The following SPSB4 variants were observed in gnomAD, a reference collection of about 807,000 sequenced individuals.
SPSB4 encodes SPRY domain-containing SOCS box protein 4.
In SPSB4, 21 loss-of-function variants were observed where a neutral mutation model predicts 20.9. The ratio of observed to expected loss-of-function variants is 1.01; its 90% CI spans 0.71 to 1.45. SPSB4 has a LOEUF of 1.45. Ranked by LOEUF, SPSB4 falls within the 40% of genes most tolerant of loss-of-function variation. The pLI is 0.00. For missense variants in SPSB4, 399 were observed against 399.2 expected, an observed-to-expected ratio of 1.00 and a Z score of 0.00; for synonymous variants, 207 against 183.8, an observed-to-expected ratio of 1.13 and a Z score of -1.02.
intron 1 of SPSB4, among the ~76,000 whole-genome samples, chr3:141,052,979 C>G (rs1216365945): frequency 2.0e-5 from 3 of 152,204 alleles, no homozygotes; most frequent in Non-Finnish European, 4.4e-5. Flanking sequence ...GAGGAGGGCA[C>G]TTTTCTGTAC....
intron 2 of SPSB4, among the ~76,000 whole-genome samples, chr3:141,112,488 A>G (rs1241172677): frequency 1.3e-5 from 2 of 150,836 alleles, no homozygotes; most frequent in Non-Finnish European, 3.0e-5. Flanking sequence ...TACTAAAAAT[A>G]CAAAAAATTA....
intron 2 of SPSB4, among the ~76,000 whole-genome samples, chr3:141,092,686 G>A (rs1938478425): frequency 6.6e-6 from 1 of 152,230 alleles, no homozygotes; most frequent in South Asian, 2.1e-4. Flanking sequence ...CTCTTGCTGT[G>A]GGGTTTACTG....
Position 141,066,718 on chromosome 3 carries a change from A to C in SPSB4, c.614A>C (p.Lys205Thr), listed in dbSNP as rs1261017812. Residue 205 changes from lysine to threonine, a missense_variant, in exon 2 of 3, where the codon AAG (lysine) becomes ACG (threonine). Transcript: ENST00000310546. ...CTGGGCGTGGCCTTCCGAGGTCTCA[A>C]GGGCAAGAAGCTGTACCCGGTGGTG... Reference protein sequence around the residue: ...QYLGVAFRGLKGKKLYPVVSA... With the variant: ...QYLGVAFRGLTGKKLYPVVSA... 1.2e-6 allele frequency: 2 copies of C among 1,611,046 alleles called. No homozygotes were observed. Among genetic ancestry groups the C allele is most frequent in the African/African-American group, 2.7e-5 (2 of 74,854 alleles).
At chr3:141,099,560 T>C (rs1394735577) in intron 2 of SPSB4, among the ~76,000 whole-genome samples, 1 of 152,240 alleles carries the variant, frequency 6.6e-6, no homozygotes, top group Non-Finnish European at 1.5e-5. Context: ...GGAATAAAAC[T>C]GTTTTTGACA....
intron 1 of SPSB4, among the ~76,000 whole-genome samples, chr3:141,053,513 A>C (rs1688551618): frequency 6.6e-6 from 1 of 152,196 alleles, no homozygotes; most frequent in African/African-American, 2.4e-5. Context: ...AAATCACCAG[A>C]AACAGTCAAA....
rs996834406 is a variant in SPSB4, at chr3:141,126,269, C to T, written c.695-20873C>T. Among the ~76,000 whole-genome samples, 10 of 152,324 alleles carry T rather than the reference C, an allele frequency of 6.6e-5. 1 individual carries two copies. The highest frequency in any genetic ancestry group is 2.4e-4 in the African/African-American group (10 of 41,572). ...CTCCTGAACCCAGTCACCTCTGCCT[C>T]CACCTCCCTGCCTTCCTTGGCCTGA... On this transcript the variant is annotated intron_variant, in intron 2 of 2. Transcript: ENST00000310546.
chr3:141,066,114 A>C lies in SPSB4; in HGVS notation c.10A>C (p.Lys4Gln). 6.5e-7 allele frequency: 1 copy of C among 1,527,602 alleles called. No individual in the cohort carries two copies. The highest frequency in any genetic ancestry group is 8.8e-7 in the Non-Finnish European group (1 of 1,141,042). The allele number at this position is 1,527,602 out of a possible 1,614,324, so 94.6% of individuals were successfully genotyped here. The change falls in exon 2 of 3, where the codon AAG becomes CAG. Residue 4 changes from lysine (K) to glutamine (Q), a missense_variant. Transcript: ENST00000310546. ...CTCCCCGCAGTGAAGCATGGGCCAG[A>C]AGCTCTCGGGGAGCCTCAAGTCAGT... MGQ[K>Q]LSGSLKSVEV...
chr3:141,104,771 T>C (rs1156249678), intron 2 of SPSB4, among the ~76,000 whole-genome samples: 27 of 152,216 alleles, frequency 1.8e-4, no homozygotes, highest in Non-Finnish European at 5.9e-5. Context: ...GCCAAATATT[T>C]TCCTTGTCAC....
At chr3:141,135,039 A>G (rs1939202495) in intron 2 of SPSB4, among the ~76,000 whole-genome samples, 1 of 152,138 alleles carries the variant, frequency 6.6e-6, no homozygotes, top group Admixed American at 6.6e-5. Context: ...GCACTGGAAC[A>G]GGGCTCTCTT....
At chr3:141,119,860 C>T (rs950072558) in intron 2 of SPSB4, among the ~76,000 whole-genome samples, 7 of 151,986 alleles carry the variant, frequency 4.6e-5, no homozygotes, top group African/African-American at 9.7e-5. Flanking sequence ...TTCAAAAAAC[C>T]AGCTCCTGGA....
chr3:141,069,671 C>A (rs921464180), intron 2 of SPSB4, among the ~76,000 whole-genome samples: 1 of 152,118 alleles, frequency 6.6e-6, no homozygotes, highest in African/African-American at 2.4e-5. Flanking sequence ...TGGCTGTTGG[C>A]GATTGCCTCC....
chr3:141,144,345 T>C (rs148631598), intron 2 of SPSB4, among the ~76,000 whole-genome samples: 18 of 152,368 alleles, frequency 1.2e-4, no homozygotes, highest in African/African-American at 3.6e-4. Flanking sequence ...AATGATTCTT[T>C]TTCGGTTTTA....
chr3:141,057,693 G>C (rs141644511), intron 1 of SPSB4, among the ~76,000 whole-genome samples: 1 of 152,304 alleles, frequency 6.6e-6, no homozygotes, highest in East Asian at 1.9e-4. Flanking sequence ...GAGAGCACAG[G>C]GGGCTGGGGA....
intron 1 of SPSB4, among the ~76,000 whole-genome samples, chr3:141,053,753 A>G (rs913376654): frequency 6.6e-6 from 1 of 152,240 alleles, no homozygotes; most frequent in African/African-American, 2.4e-5. Flanking sequence ...TTAATGTATC[A>G]AATTAGCAAG....
intron 2 of SPSB4, among the ~76,000 whole-genome samples, chr3:141,074,741 A>C (rs1938072172): frequency 6.6e-6 from 1 of 152,238 alleles, no homozygotes; most frequent in Admixed American, 6.5e-5. Flanking sequence ...GTGCAGGCAG[A>C]CATTCAGCAG....
Position 141,053,212 on chromosome 3 carries a change from G to A in SPSB4, c.-154+1220G>A, listed in dbSNP as rs532677956. Among the ~76,000 whole-genome samples, 20 of 145,952 alleles carry A rather than the reference G, an allele frequency of 1.4e-4. No homozygotes were observed. In the East Asian group the frequency reaches 3.8e-3, roughly 28 times the overall value. Reference sequence around the variant, plus strand: ...CCTCTATCCTCCCACCCCCTTTCTGGCCCCCTGCCCCCCACCCGCGCAATT... The same window carrying A: ...CCTCTATCCTCCCACCCCCTTTCTGACCCCCTGCCCCCCACCCGCGCAATT... On this transcript the variant is annotated intron_variant, in intron 1 of 2. Transcript: ENST00000310546.
At chr3:141,130,689 G>A (rs1245602614) in intron 2 of SPSB4, among the ~76,000 whole-genome samples, 2 of 152,100 alleles carry the variant, frequency 1.3e-5, no homozygotes, top group African/African-American at 4.8e-5. Flanking sequence ...AGAGGGCCCA[G>A]GGAAGCAGCT....
At chr3:141,134,363 AG>A (rs1939190912) in intron 2 of SPSB4, among the ~76,000 whole-genome samples, 1 of 152,094 alleles carries the variant, frequency 6.6e-6, no homozygotes, top group Admixed American at 6.6e-5. Flanking sequence ...GTTGAATAGC[AG>A]TGGTGAAAGT....
intron 2 of SPSB4, among the ~76,000 whole-genome samples, chr3:141,070,765 A>C (rs1398685891): frequency 6.6e-6 from 1 of 152,218 alleles, no homozygotes; most frequent in Non-Finnish European, 1.5e-5. Flanking sequence ...TATGATGAAG[A>C]AATTGAGGCA....
Sources: gnomAD v4.1 joint callset for allele counts (sites outside exome capture counted in the v4.1 genomes callset) on GRCh38, gnomAD v4.1.1 for gene constraint, MANE v1.5 for transcripts, NCBI Gene and HGNC (gene_info 2026-07-23, HGNC 2026-07-21) for gene names.